NEU1: variants seen among roughly 807,000 people sequenced by gnomAD.
The protein encoded by NEU1 is sialidase-1.
In NEU1, 32 loss-of-function variants were observed where a neutral mutation model predicts 38.3. That is an observed-to-expected ratio of 0.84 (90% CI 0.63 to 1.12). NEU1 has a LOEUF of 1.12. Ranked by LOEUF, NEU1 falls within the 50% of genes most tolerant of loss-of-function variation. The pLI is 0.00. For missense variants in NEU1, 431 were observed against 549.2 expected (o/e 0.78, Z 2.15); for synonymous variants, 192 against 225.2 (o/e 0.85, Z 1.32).
Position 31,861,183 on chromosome 6 carries a change from G to A in NEU1, c.615+5C>T. 1 of 1,611,390 alleles carries A rather than the reference G, an allele frequency of 6.2e-7. No individual in the cohort carries two copies. Among genetic ancestry groups the A allele is most frequent in the Non-Finnish European group, 8.5e-7 (1 of 1,180,018 alleles). On this transcript the variant is annotated splice_donor_5th_base_variant and intron_variant, in intron 3 of 5. Coordinates refer to ENST00000375631, the MANE Select transcript of NEU1 (RefSeq NM_000434.4). ...CCCCCTCCACCTATCTCCTAGGACA[G>A]AGACCTGAATACCAGAGCCCGGTCC...
chr6:31,861,895 G>C (rs1762530540), intron 2 of NEU1, 104 bp downstream of exon 2: 1 of 1,335,084 alleles, frequency 7.5e-7, no homozygotes, highest in Non-Finnish European at 1.1e-6. Flanking sequence ...CAGGGACTCA[G>C]GCAACCAACC....
chr6:31,860,195 G>A lies in NEU1; in HGVS notation c.868C>T (p.Arg290Ter), dbSNP rs778036088. The change falls in exon 5 of 6, where the codon CGA becomes TGA. Residue 290 changes from arginine (R) to a stop codon, truncating the protein, a stop_gained. Transcript: ENST00000375631. LOFTEE classifies it high-confidence loss of function. The surrounding 1 kb of genome is among the most constrained non-coding windows in gnomAD (Gnocchi z 4.8). ...GCATCATAGCTGCGGAGGACAATTC[G>A]GCAGTGGCAGTGGTAGTTGTTCTGG... The part of the protein sequence containing the change: ...RNQNNYHCHC[R>*]IVLRSYDACD... 45 of 1,612,890 alleles carry A rather than the reference G, an allele frequency of 2.8e-5. No homozygotes were observed. The highest frequency in any genetic ancestry group is 3.4e-5 in the Non-Finnish European group (40 of 1,180,034).
rs542107600 is a variant in NEU1, at chr6:31,860,805, G to A, written c.616-184C>T. 1.4e-4 allele frequency: 97 copies of A among 714,658 alleles called. No homozygotes were observed. Among genetic ancestry groups the A allele is most frequent in the Non-Finnish European group, 2.3e-4 (97 of 415,322 alleles). The allele number at this position is 714,658 out of a possible 1,614,324, so 44.3% of individuals were successfully genotyped here. Reference sequence around the variant, plus strand: ...CTGTTTGAATTAAGAAGCTCTCCCAGGGTGTACAGCTGGACATGTGCACCA... The same window carrying A: ...CTGTTTGAATTAAGAAGCTCTCCCAAGGTGTACAGCTGGACATGTGCACCA... On this transcript the variant is annotated intron_variant, in intron 3 of 5. Coordinates refer to ENST00000375631, the MANE Select transcript of NEU1 (RefSeq NM_000434.4). This position sits in a 1 kb window ranked among gnomAD's most constrained non-coding sequence, Gnocchi z 4.8.
rs1762397526 is a variant in NEU1 at position 31,858,973 on chromosome 6, G to A, written c.*746C>T. ...GGAGGTTGAGGCTTCAGTGAGCCGT[G>A]ATTGTGCAACTGCACTCCAGCCTGG... On this transcript the variant is annotated 3_prime_UTR_variant, in exon 6 of 6. Coordinates refer to ENST00000375631, the MANE Select transcript of NEU1 (RefSeq NM_000434.4). 1 of 154,794 alleles carries A rather than the reference G, an allele frequency of 6.5e-6. No homozygotes were observed. Among genetic ancestry groups the A allele is most frequent in the Non-Finnish European group, 1.4e-5 (1 of 69,778 alleles). The allele number at this position is 154,794 out of a possible 1,614,324, so 9.6% of individuals were successfully genotyped here. A position where few individuals can be genotyped will look rare whatever the true frequency, so the allele number is the denominator to read the frequency against.
rs104893977 is a variant in NEU1, at chr6:31,860,458, A to T, written c.779T>A (p.Phe260Tyr). 1.5e-5 allele frequency: 25 copies of T among 1,613,832 alleles called. No homozygotes were observed. Among genetic ancestry groups the T allele is most frequent in the Non-Finnish European group, 1.8e-5 (21 of 1,179,988 alleles). ...CCTGACCTGGCATTCATCAGGATTG[A>T]AATCATTTTCCTGCTTGGGCTGACC... ...PYGQPKQEND[F>Y]NPDECQPYEL... is the part of the protein sequence containing the mutation. Residue 260 changes from phenylalanine to tyrosine, a missense_variant, in exon 4 of 6, where the codon TTC becomes TAC. Phe to Tyr is a conservative substitution (Grantham distance 22). Coordinates refer to ENST00000375631, the MANE Select transcript of NEU1 (RefSeq NM_000434.4). This position sits in a 1 kb window ranked among gnomAD's most constrained non-coding sequence, Gnocchi z 4.8.
At chr6:31,861,507 C>T in intron 2 of NEU1, 57 bp from the exon 3 acceptor site, 1 of 1,610,408 alleles carries the variant, frequency 6.2e-7, no homozygotes, top group Non-Finnish European at 8.5e-7. Flanking sequence ...ACCCTTTCTA[C>T]CACTTCCCGT....
At position 31,860,522 on chromosome 6, in the gene NEU1, A is replaced by T; in HGVS notation, c.715T>A (p.Ser239Thr). The T allele has an allele frequency of 6.2e-7, 1 of 1,614,072 alleles. No homozygotes were observed. Among genetic ancestry groups the T allele is most frequent in the South Asian group, 1.1e-5 (1 of 91,076 alleles). ...FCLLSDDHGA[S>T]WRYGSGVSGI... is the part of the protein sequence containing the mutation. Reference sequence around the variant, plus strand: ...CTGACCCCACTTCCGTAGCGCCAGGAGGCACCATGATCATCGCTGAGGAGA... The same window carrying T: ...CTGACCCCACTTCCGTAGCGCCAGGTGGCACCATGATCATCGCTGAGGAGA... Residue 239 changes from serine to threonine, a missense_variant, in exon 4 of 6, where the codon TCC (serine) becomes ACC (threonine). Coordinates refer to ENST00000375631, the MANE Select transcript of NEU1 (RefSeq NM_000434.4). This position sits in a 1 kb window ranked among gnomAD's most constrained non-coding sequence, Gnocchi z 4.8.
In NEU1 at chr6:31,859,545, G is replaced by A. The variant is rs1762420511; in HGVS notation, c.*174C>T. ...ACTTTTTTGTGGGAGAGGACGCCTAGCTTTCAGTCCTAAAGGAAGTGATTT... is the reference window on the plus strand; with the variant it reads ...ACTTTTTTGTGGGAGAGGACGCCTAACTTTCAGTCCTAAAGGAAGTGATTT... On this transcript the variant is annotated 3_prime_UTR_variant, in exon 6 of 6. Transcript: ENST00000375631. The A allele has an allele frequency of 1.4e-6, 1 of 718,296 alleles. No individual in the cohort carries two copies. Among genetic ancestry groups the A allele is most frequent in the Non-Finnish European group, 2.5e-6 (1 of 406,024 alleles). The allele number at this position is 718,296 out of a possible 1,614,324, so 44.5% of individuals were successfully genotyped here.
At position 31,861,250 on chromosome 6, in the gene NEU1, G is replaced by A. The variant is rs776896240; in HGVS notation, c.553C>T (p.Arg185Trp). The change falls in exon 3 of 6, where the codon CGG becomes TGG. Residue 185 changes from arginine to tryptophan, a missense_variant. Physicochemically the swap from Arg to Trp is moderately radical, Grantham distance 101. Transcript: ENST00000375631. ...KDDGVSWSTP[R>W]NLSLDIGTEV... ...GTGCCAATATCCAGGGAGAGATTCC[G>A]GGGTGTGCTCCAGGAAACACCATCA... The A allele has an allele frequency of 4.6e-5, 74 of 1,612,770 alleles. No individual in the cohort carries two copies. Among genetic ancestry groups the A allele is most frequent in the Admixed American group, 6.7e-5 (4 of 60,004 alleles).
At position 31,860,008 on chromosome 6, in the gene NEU1, C is replaced by G. The variant is rs769176261; in HGVS notation, c.1021+34G>C. 3 of 1,612,668 alleles carry G rather than the reference C, an allele frequency of 1.9e-6. No homozygotes were observed. The South Asian group carries it at 3.3e-5, about 18-fold the overall frequency. On this transcript the variant is annotated intron_variant, in intron 5 of 5. Transcript: ENST00000375631. The surrounding 1 kb of genome is among the most constrained non-coding windows in gnomAD (Gnocchi z 4.8). ...GCCCAGGCCTTGTCTAGACACAGGG[C>G]TCTCCCTGCTGACCCCACCCATGAG... is the stretch of plus-strand genomic sequence containing the variant.
chr6:31,860,712 A>C lies in NEU1; in HGVS notation c.616-91T>G. On this transcript the variant is annotated intron_variant, in intron 3 of 5. Coordinates refer to ENST00000375631, the MANE Select transcript of NEU1 (RefSeq NM_000434.4). The surrounding 1 kb of genome is among the most constrained non-coding windows in gnomAD (Gnocchi z 4.8). ...CCCACCACTTCCCAAATGCAATCAC[A>C]TGTATGGTCCCCTTGAGTTCAGCCC... The C allele has an allele frequency of 7.2e-7, 1 of 1,395,210 alleles. No homozygotes were observed. Among genetic ancestry groups the C allele is most frequent in the Non-Finnish European group, 1.0e-6 (1 of 985,990 alleles). 86.4% of individuals were successfully genotyped at this position (1,395,210 alleles called of 1,614,324 possible). A position where few individuals can be genotyped will look rare whatever the true frequency, so the allele number is the denominator to read the frequency against.
rs1158767936 is a variant in NEU1, at chr6:31,859,747, G to T, written c.1220C>A (p.Ala407Asp). 1.2e-6 allele frequency: 2 copies of T among 1,612,920 alleles called. No individual in the cohort carries two copies. Among genetic ancestry groups the T allele is most frequent in the Admixed American group, 3.3e-5 (2 of 60,014 alleles). Residue 407 changes from alanine to aspartate, a missense_variant, in exon 6 of 6, where the codon GCC becomes GAC. By Grantham distance (126) the Ala-to-Asp change is moderately radical. Coordinates refer to ENST00000375631, the MANE Select transcript of NEU1 (RefSeq NM_000434.4). ...GAGTGTCCCATAGACACTGATTTTG[G>T]CCACGGAGATGCTCTCTGTGTAGTG... Reference protein sequence around the residue: ...RNHYTESISVAKISVYGTL With the variant: ...RNHYTESISVDKISVYGTL
chr6:31,861,041 A>T, intron 3 of NEU1, 147 bp downstream of exon 3: 3 of 1,109,064 alleles, frequency 2.7e-6, no homozygotes, highest in Non-Finnish European at 3.9e-6. Flanking sequence ...ATGTGTTCCT[A>T]CCAGGATGCC....
chr6:31,862,316 G>T lies in NEU1; in HGVS notation c.160-125C>A. The stretch of plus-strand genomic sequence containing the variant: ...AGTAGGGGATGGGGTCCCAGAACAA[G>T]AAAGAGGAACACGAAGGGGAGTTTG... On this transcript the variant is annotated intron_variant, in intron 1 of 5. Coordinates refer to ENST00000375631, the MANE Select transcript of NEU1 (RefSeq NM_000434.4). This position sits in a 1 kb window ranked among gnomAD's most constrained non-coding sequence, Gnocchi z 6.3. The T allele has an allele frequency of 9.0e-7, 1 of 1,115,840 alleles. No individual in the cohort carries two copies. The highest frequency in any genetic ancestry group is 1.3e-6 in the Non-Finnish European group (1 of 755,532). The allele number at this position is 1,115,840 out of a possible 1,614,324, so 69.1% of individuals were successfully genotyped here.
Position 31,859,812 on chromosome 6 carries a change from C to T in NEU1, c.1155G>A (p.Gln385=), listed in dbSNP as rs1422245284. The T allele has an allele frequency of 6.2e-7, 1 of 1,613,062 alleles. No homozygotes were observed. Among genetic ancestry groups the T allele is most frequent in the Admixed American group, 1.7e-5 (1 of 60,010 alleles). ...TLEGSMDGEE[Q]APQLYVLYEK... is the part of the protein sequence containing the mutation. Reference sequence around the variant, plus strand: ...CATACAGGACGTAGAGCTGGGGGGCCTGCTCCTCTCCATCCATGCTGCCCT... The same window carrying T: ...CATACAGGACGTAGAGCTGGGGGGCTTGCTCCTCTCCATCCATGCTGCCCT... The change falls in exon 6 of 6, where the codon CAG becomes CAA. Residue 385 remains glutamine, a synonymous_variant. Transcript: ENST00000375631.
rs1307648782 is a variant in NEU1, at chr6:31,862,510, A to G, written c.159+108T>C. The stretch of plus-strand genomic sequence containing the variant: ...GGAGGAAACGGGGTCTGGGAGAAAG[A>G]AAAGGGTCCTGTCGCGGAAAGTCGG... On this transcript the variant is annotated intron_variant, in intron 1 of 5. Coordinates refer to ENST00000375631, the MANE Select transcript of NEU1 (RefSeq NM_000434.4). The surrounding 1 kb of genome is among the most constrained non-coding windows in gnomAD (Gnocchi z 6.3). 3 of 1,503,296 alleles carry G rather than the reference A, an allele frequency of 2.0e-6. No homozygotes were observed. In the Admixed American group the frequency reaches 5.1e-5, roughly 26 times the overall value. The allele number at this position is 1,503,296 out of a possible 1,614,324, so 93.1% of individuals were successfully genotyped here.
rs1762582727 is a variant in NEU1 at position 31,862,772 on chromosome 6, G to A, written c.5C>T (p.Thr2Ile). 1 of 1,612,698 alleles carries A rather than the reference G, an allele frequency of 6.2e-7. No individual in the cohort carries two copies. The highest frequency in any genetic ancestry group is 1.3e-5 in the African/African-American group (1 of 74,938). The change falls in exon 1 of 6, where the codon ACT (threonine) becomes ATT (isoleucine). Residue 2 changes from threonine to isoleucine, a missense_variant. Coordinates refer to ENST00000375631, the MANE Select transcript of NEU1 (RefSeq NM_000434.4). This position sits in a 1 kb window ranked among gnomAD's most constrained non-coding sequence, Gnocchi z 6.3. The stretch of plus-strand genomic sequence containing the variant: ...GAGCGCCGTGCTGGGTCGCTCCCCA[G>A]TCATCTCTCCCCGCAGCTGCCGCGA... The part of the protein sequence containing the change: M[T>I]GERPSTALPD...
intron 2 of NEU1, chr6:31,861,683 CT>C (rs1762520933): frequency 1.6e-6 from 1 of 630,370 alleles, no homozygotes; most frequent in African/African-American, 1.8e-5. Flanking sequence ...TGTCTGTCTC[CT>C]TCCAGTACAA....
Position 31,862,199 on chromosome 6 carries a change from G to A in NEU1, c.160-8C>T. The stretch of plus-strand genomic sequence containing the variant: ...GGTCACCAGCGGCTGCACCTGTCAT[G>A]GGAGGAGGAAGGGTCAACAAAGACA... On this transcript the variant is annotated splice_polypyrimidine_tract_variant and splice_region_variant and intron_variant, in intron 1 of 5. Coordinates refer to ENST00000375631, the MANE Select transcript of NEU1 (RefSeq NM_000434.4). The surrounding 1 kb of genome is among the most constrained non-coding windows in gnomAD (Gnocchi z 6.3). 1 of 1,612,514 alleles carries A rather than the reference G, an allele frequency of 6.2e-7. No homozygotes were observed. Among genetic ancestry groups the A allele is most frequent in the South Asian group, 1.1e-5 (1 of 91,058 alleles).
Sources: allele counts gnomAD v4.1 joint callset, GRCh38; gene constraint gnomAD v4.1.1; non-coding constraint Gnocchi (gnomAD v3.1); transcripts MANE v1.5; gene names NCBI Gene and HGNC (gene_info 2026-07-23, HGNC 2026-07-21).